Variants in FAM83F observed in about 807,000 individuals in gnomAD.
FAM83F encodes scaffolding CK1 anchoring protein F.
FAM83F carries 45 observed loss-of-function variants against 42.9 expected under a neutral mutation model. That is an observed-to-expected ratio of 1.05 (90% CI 0.83 to 1.35). The LOEUF is 1.35. Among genes scored for constraint, FAM83F ranks in the 40% most tolerant of loss-of-function variants. The pLI is 0.00. For synonymous variants in FAM83F, 306 were observed against 298.3 expected, an observed-to-expected ratio of 1.03 and a Z score of -0.27; for missense variants, 617 against 695.9, an observed-to-expected ratio of 0.89 and a Z score of 1.28.
intron 1 of FAM83F, among the ~76,000 whole-genome samples, chr22:40,013,887 A>G (rs1273164855): frequency 6.6e-6 from 1 of 151,790 alleles, no homozygotes; most frequent in African/African-American, 2.4e-5. Flanking sequence ...CTGTGAATGG[A>G]TCTTATTTTC....
chr22:40,001,905 G>A (rs997115155), intron 1 of FAM83F, among the ~76,000 whole-genome samples: 1 of 152,190 alleles, frequency 6.6e-6, no homozygotes, highest in African/African-American at 2.4e-5. Context: ...GTGCCGGCGT[G>A]TTTCCTGTTT....
In FAM83F at chr22:40,038,086, G is replaced by C. The variant is rs1040211403; in HGVS notation, c.*8521G>C. 6.6e-6 allele frequency: 1 copy of C among 152,206 alleles called. No individual in the cohort carries two copies. The highest frequency in any genetic ancestry group is 1.5e-5 in the Non-Finnish European group (1 of 68,044). 9.4% of individuals were successfully genotyped at this position (152,206 alleles called of 1,614,324 possible). A position where few individuals can be genotyped will look rare whatever the true frequency, so the allele number is the denominator to read the frequency against. On this transcript the variant is annotated 3_prime_UTR_variant, in exon 5 of 5. Transcript: ENST00000333407. The stretch of plus-strand genomic sequence containing the variant: ...CAAACGAACTTATTGAGAACTTACT[G>C]TGTTCCAGGCACTGTGATAAGATAG...
intron 1 of FAM83F, among the ~76,000 whole-genome samples, chr22:40,008,241 C>T (rs546944001): frequency 6.6e-6 from 1 of 152,374 alleles, no homozygotes; most frequent in African/African-American, 2.4e-5. Flanking sequence ...ACCTTGATGT[C>T]TGTGCCGCGG....
intron 4 of FAM83F, among the ~76,000 whole-genome samples, chr22:40,028,590 C>A (rs1167088550): frequency 6.6e-6 from 1 of 152,172 alleles, no homozygotes; most frequent in African/African-American, 2.4e-5. Context: ...CCCTGCACTC[C>A]CTCCGGAGGT....
At chr22:39,998,514 G>A (rs2067381962) in intron 1 of FAM83F, among the ~76,000 whole-genome samples, 1 of 151,870 alleles carries the variant, frequency 6.6e-6, no homozygotes, top group Admixed American at 6.6e-5. Flanking sequence ...CATGAATGGG[G>A]GGTGAGGGGG....
At chr22:40,020,157 T>C in intron 3 of FAM83F, 149 bp downstream of exon 3, 1 of 1,179,412 alleles carries the variant, frequency 8.5e-7, no homozygotes, top group Non-Finnish European at 1.1e-6. Flanking sequence ...GCCCAGTCCC[T>C]TCCCTCAAAC....
intron 1 of FAM83F, among the ~76,000 whole-genome samples, chr22:40,000,196 T>C (rs1364080603): frequency 6.6e-6 from 1 of 152,104 alleles, no homozygotes; most frequent in Non-Finnish European, 1.5e-5. Flanking sequence ...TTAATCTACA[T>C]CGTAACAAGC....
intron 1 of FAM83F, among the ~76,000 whole-genome samples, chr22:40,002,689 C>G (rs997007294): frequency 6.6e-6 from 1 of 152,202 alleles, no homozygotes; most frequent in Admixed American, 6.5e-5. Flanking sequence ...GCCTCTGTTT[C>G]TGCATCTCTA....
rs937342918 is a variant in FAM83F at position 40,022,074 on chromosome 22, T to C, written c.1453+111T>C. The C allele has an allele frequency of 8.9e-6, 9 of 1,009,346 alleles. No individual in the cohort carries two copies. In the African/African-American group the frequency reaches 1.5e-4, roughly 16 times the overall value. 62.5% of individuals were successfully genotyped at this position (1,009,346 alleles called of 1,614,324 possible). A position where few individuals can be genotyped will look rare whatever the true frequency, so the allele number is the denominator to read the frequency against. ...TACCTGCAGAGGAGTAGATTCCATC[T>C]GTGGGCACAGAGAGGGCAGGAGCTC... On this transcript the variant is annotated intron_variant, in intron 4 of 4. Coordinates refer to ENST00000333407, the MANE Select transcript of FAM83F (RefSeq NM_138435.4).
intron 4 of FAM83F, among the ~76,000 whole-genome samples, chr22:40,026,281 G>A (rs550048537): frequency 1.3e-5 from 2 of 152,264 alleles, no homozygotes; most frequent in Non-Finnish European, 2.9e-5. Flanking sequence ...AGCACTTTTG[G>A]AGGCCTAGGT....
intron 1 of FAM83F, among the ~76,000 whole-genome samples, chr22:40,010,709 C>G (rs1487490760): frequency 6.6e-6 from 1 of 152,166 alleles, no homozygotes; most frequent in Non-Finnish European, 1.5e-5. Context: ...AAACTGGACA[C>G]CTTGGAGTGT....
At chr22:40,007,953 A>G (rs1342065897) in intron 1 of FAM83F, among the ~76,000 whole-genome samples, 2 of 152,176 alleles carry the variant, frequency 1.3e-5, no homozygotes, top group Non-Finnish European at 2.9e-5. Flanking sequence ...CAGCTGTGCC[A>G]GTTAGAAGTT....
rs537037663 is a variant in FAM83F at position 40,000,540 on chromosome 22, A to C, written c.489+5009A>C. On this transcript the variant is annotated intron_variant, in intron 1 of 4. Coordinates refer to ENST00000333407, the MANE Select transcript of FAM83F (RefSeq NM_138435.4). ...CCCTCATTCAGCTACACTGGCAAACAGTACCAAGCGCCTTCTCCATACCAG... is the reference window on the plus strand; with the variant it reads ...CCCTCATTCAGCTACACTGGCAAACCGTACCAAGCGCCTTCTCCATACCAG... Among the ~76,000 whole-genome samples the C allele has an allele frequency of 3.4e-3, 518 of 152,356 alleles. 4 individuals are homozygous for C. The highest frequency in any genetic ancestry group is 0.01 in the Middle Eastern group (3 of 294).
At position 40,021,414 on chromosome 22, in the gene FAM83F, C is replaced by T. The variant is rs369991191; in HGVS notation, c.904C>T (p.Arg302Trp). The T allele has an allele frequency of 9.4e-5, 152 of 1,613,540 alleles. No individual in the cohort carries two copies. The highest frequency in any genetic ancestry group is 1.6e-4 in the African/African-American group (12 of 74,922). ...YAISEEVDLY[R>W]QLSLAGRVGL... Reference sequence around the variant, plus strand: ...CATCTCCGAGGAGGTGGACTTGTACCGGCAGCTGAGCCTGGCGGGCAGGGT... The same window carrying T: ...CATCTCCGAGGAGGTGGACTTGTACTGGCAGCTGAGCCTGGCGGGCAGGGT... The change falls in exon 4 of 5, where the codon CGG becomes TGG. Residue 302 changes from arginine (R) to tryptophan (W), a missense_variant. Coordinates refer to ENST00000333407, the MANE Select transcript of FAM83F (RefSeq NM_138435.4). The surrounding 1 kb of genome is among the most constrained non-coding windows in gnomAD (Gnocchi z 8.7).
At chr22:40,024,990 TC>T (rs1308843319) in intron 4 of FAM83F, among the ~76,000 whole-genome samples, 1 of 152,154 alleles carries the variant, frequency 6.6e-6, no homozygotes, top group Non-Finnish European at 1.5e-5. Context: ...AGGCGCCTCT[TC>T]TACGTCTTCC....
chr22:40,016,654 ATTATTTTATT>A lies in FAM83F; in HGVS notation c.490-2495_490-2486del, dbSNP rs559006074. Among the ~76,000 whole-genome samples, 354 of 151,800 alleles carry A rather than the reference ATTATTTTATT, an allele frequency of 2.3e-3. 2 individuals carry two copies. The highest frequency in any genetic ancestry group is 2.6e-3 in the Non-Finnish European group (177 of 67,918). ...ATGACTGCTATTTTATTTTAATTTTATTATTTTATTTTATTTTATTTTATTTTAAGATGGA... is the reference window on the plus strand; with the variant it reads ...ATGACTGCTATTTTATTTTAATTTTATTATTTTATTTTATTTTAAGATGGA... On this transcript the variant is annotated intron_variant, in intron 1 of 4. Transcript: ENST00000333407.
chr22:40,026,505 G>T (rs2145723093), intron 4 of FAM83F, among the ~76,000 whole-genome samples: 1 of 152,224 alleles, frequency 6.6e-6, no homozygotes, highest in East Asian at 1.9e-4. Flanking sequence ...GGGTGACACA[G>T]TAGGAATCTG....
intron 1 of FAM83F, among the ~76,000 whole-genome samples, chr22:40,001,267 TC>T (rs909995264): frequency 2.0e-5 from 3 of 152,102 alleles, no homozygotes; most frequent in Non-Finnish European, 4.4e-5. Flanking sequence ...CTCACTGTGT[TC>T]CCTTGAGCAA....
At chr22:40,027,955 G>T (rs2067564241) in intron 4 of FAM83F, among the ~76,000 whole-genome samples, 1 of 152,196 alleles carries the variant, frequency 6.6e-6, no homozygotes, top group African/African-American at 2.4e-5. Flanking sequence ...TGCCTCTGGG[G>T]AGGAACTGAC....
Sources: gnomAD v4.1 joint callset for allele counts (sites outside exome capture counted in the v4.1 genomes callset) on GRCh38, gnomAD v4.1.1 for gene constraint, Gnocchi (gnomAD v3.1) non-coding constraint, MANE v1.5 for transcripts, NCBI Gene and HGNC (gene_info 2026-07-23, HGNC 2026-07-21) for gene names.